Variants in IQCH observed in about 807,000 individuals in gnomAD.
The protein encoded by IQCH is IQ domain-containing protein H.
Under a neutral mutation model 117.0 loss-of-function variants are expected in IQCH, and 98 were observed. The ratio of observed to expected loss-of-function variants is 0.84; its 90% CI spans 0.71 to 0.99. The LOEUF is 0.99. IQCH is among the 50% of genes least tolerant of loss of function. The pLI is 0.00. For missense variants in IQCH, 1,102 were observed against 1,243.8 expected (o/e 0.89, Z 1.72); for synonymous variants, 412 against 448.2 (o/e 0.92, Z 1.02).
At chr15:67,371,409 C>T in intron 8 of IQCH, 14 of 1,215,548 alleles carry the variant, frequency 1.2e-5, no homozygotes, top group Non-Finnish European at 1.6e-5. Context: ...AGCAAATGCT[C>T]CCTTGGTTTT....
At position 67,395,381 on chromosome 15, in the gene IQCH, A is replaced by G. The variant is rs199753231; in HGVS notation, c.1723A>G (p.Ile575Val). The G allele has an allele frequency of 2.1e-4, 343 of 1,614,086 alleles. 4 individuals are homozygous for G. In the South Asian group the frequency reaches 3.4e-3, roughly 16 times the overall value. Residue 575 changes from isoleucine to valine, a missense_variant, in exon 13 of 21, where the codon ATC (isoleucine) becomes GTC (valine). Coordinates refer to ENST00000335894, the MANE Select transcript of IQCH (RefSeq NM_001031715.3). The surrounding 1 kb of genome is among the most constrained non-coding windows in gnomAD (Gnocchi z 4.0). ...KNLIRGTEAYIVSGLLHRDDL... is the reference protein window; with the variant it reads ...KNLIRGTEAYVVSGLLHRDDL... ...TCTCATCCGAGGAACAGAGGCCTAC[A>G]TCGTCAGCGGGCTCCTCCACAGAGA...
chr15:67,329,246 C>T (rs1449004094), intron 4 of IQCH, among the ~76,000 whole-genome samples: 1 of 150,840 alleles, frequency 6.6e-6, no homozygotes, highest in African/African-American at 2.4e-5. Context: ...CTGTAGTGAG[C>T]TGTGATTACA....
chr15:67,358,140 T>G (rs1969974445), intron 7 of IQCH, among the ~76,000 whole-genome samples: 2 of 140,276 alleles, frequency 1.4e-5, no homozygotes, highest in South Asian at 2.3e-4. Context: ...ATTATAGGCA[T>G]GAGCCACCAC....
intron 5 of IQCH, among the ~76,000 whole-genome samples, chr15:67,337,560 T>C (rs1428086251): frequency 6.6e-6 from 1 of 152,224 alleles, no homozygotes; most frequent in Non-Finnish European, 1.5e-5. Flanking sequence ...CAGTGGATTT[T>C]GTTTTTAAGC....
intron 10 of IQCH, among the ~76,000 whole-genome samples, chr15:67,377,115 C>CAAAAAAAAAAAAAAAA (rs5813442): frequency 4.9e-5 from 4 of 82,024 alleles, no homozygotes; most frequent in African/African-American, 1.2e-4. Context: ...GACTCCATCT[C>CAAAAAAAAAAAAAAAA]AAAAAAAAAA....
Position 67,496,980 on chromosome 15 carries a change from T to G in IQCH, c.2970+2614T>G, listed in dbSNP as rs1336859726. On this transcript the variant is annotated intron_variant, in intron 20 of 20. Transcript: ENST00000335894. This position sits in a 1 kb window ranked among gnomAD's most constrained non-coding sequence, Gnocchi z 4.4. ...TTGCAGTGAGCCGAGATTGCGCCAC[T>G]GCAGTCCGCAGTCCGGCCTGGGCGA... 7.7e-6 allele frequency among the ~76,000 whole-genome samples: 1 copy of G among 130,300 alleles called. No homozygotes were observed. The highest frequency in any genetic ancestry group is 1.5e-5 in the Non-Finnish European group (1 of 65,060). 85.5% of individuals were successfully genotyped at this position (130,300 alleles called of 152,430 possible).
In IQCH at chr15:67,501,602, G is replaced by A. The variant is rs1172410388; in HGVS notation, c.*856G>A. On this transcript the variant is annotated 3_prime_UTR_variant, in exon 21 of 21. Transcript: ENST00000335894. This position sits in a 1 kb window ranked among gnomAD's most constrained non-coding sequence, Gnocchi z 5.2. Reference sequence around the variant, plus strand: ...TCCAAAAATATTTCCACATCAGTGAGCTTTACTGAAGGGTGAAATAAAAGC... The same window carrying A: ...TCCAAAAATATTTCCACATCAGTGAACTTTACTGAAGGGTGAAATAAAAGC... The A allele has an allele frequency of 6.6e-6, 1 of 152,120 alleles. No individual in the cohort carries two copies. The highest frequency in any genetic ancestry group is 1.5e-5 in the Non-Finnish European group (1 of 68,028). 9.4% of individuals were successfully genotyped at this position (152,120 alleles called of 1,614,324 possible). A position where few individuals can be genotyped will look rare whatever the true frequency, so the allele number is the denominator to read the frequency against.
chr15:67,329,856 A>T (rs576321393), intron 4 of IQCH, among the ~76,000 whole-genome samples: 3 of 152,136 alleles, frequency 2.0e-5, no homozygotes, highest in Non-Finnish European at 4.4e-5. Context: ...ATATACACAT[A>T]TATAGTGAAT....
chr15:67,346,298 A>G (rs1969385243), intron 6 of IQCH, among the ~76,000 whole-genome samples: 2 of 152,104 alleles, frequency 1.3e-5, no homozygotes, highest in South Asian at 4.1e-4. Context: ...CACAATAATC[A>G]ATAGAACTAG....
intron 4 of IQCH, among the ~76,000 whole-genome samples, chr15:67,322,773 G>C (rs956968166): frequency 8.2e-6 from 1 of 121,372 alleles, no homozygotes; most frequent in Admixed American, 9.0e-5. Flanking sequence ...GCTCTCAGTG[G>C]ACAGGGGATG....
At chr15:67,468,549 C>T (rs2082989746) in intron 17 of IQCH, among the ~76,000 whole-genome samples, 1 of 152,192 alleles carries the variant, frequency 6.6e-6, no homozygotes, top group Non-Finnish European at 1.5e-5. Context: ...ATCTTCTAGA[C>T]AGATGAGGCT....
At position 67,454,248 on chromosome 15, in the gene IQCH, G is replaced by T. The variant is rs1305906249; in HGVS notation, c.2506-10879G>T. On this transcript the variant is annotated intron_variant, in intron 16 of 20. Coordinates refer to ENST00000335894, the MANE Select transcript of IQCH (RefSeq NM_001031715.3). This position sits in a 1 kb window ranked among gnomAD's most constrained non-coding sequence, Gnocchi z 5.2. Reference sequence around the variant, plus strand: ...CTGCACCCACCATCCTGCGCCTACTGTCTGGCACTCCCCAGTGAGATGAAC... The same window carrying T: ...CTGCACCCACCATCCTGCGCCTACTTTCTGGCACTCCCCAGTGAGATGAAC... Among the ~76,000 whole-genome samples the T allele has an allele frequency of 6.6e-6, 1 of 152,146 alleles. No homozygotes were observed. Among genetic ancestry groups the T allele is most frequent in the South Asian group, 2.1e-4 (1 of 4,832 alleles).
intron 14 of IQCH, among the ~76,000 whole-genome samples, chr15:67,415,605 G>T (rs557232518): frequency 6.6e-6 from 1 of 152,334 alleles, no homozygotes; most frequent in South Asian, 2.1e-4. Flanking sequence ...GTTCCAAGGA[G>T]TTGGGGTGAG....
chr15:67,329,074 G>A (rs1269935419), intron 4 of IQCH, among the ~76,000 whole-genome samples: 2 of 152,134 alleles, frequency 1.3e-5, no homozygotes, highest in African/African-American at 4.8e-5. Flanking sequence ...TGAGATGGGA[G>A]GATCACTTGA....
intron 18 of IQCH, among the ~76,000 whole-genome samples, chr15:67,487,423 AAGG>A (rs1369517794): frequency 1.0e-5 from 1 of 99,710 alleles, no homozygotes; most frequent in Non-Finnish European, 2.0e-5. Flanking sequence ...CACAAAACTT[AAGG>A]AAAACACACA....
chr15:67,280,975 A>C, intron 4 of IQCH, among the ~76,000 whole-genome samples: 1 of 151,878 alleles, frequency 6.6e-6, no homozygotes, highest in South Asian at 2.1e-4. Flanking sequence ...CCTCCCAAGT[A>C]GTTGGGATTA....
chr15:67,388,806 T>C lies in IQCH; in HGVS notation c.1457-25T>C. ...ATGTCATTTACCTTCACACCAGTAA[T>C]TAACATTGTGCCTGTTGTTTTTAGA... On this transcript the variant is annotated intron_variant, in intron 11 of 20. Transcript: ENST00000335894. The surrounding 1 kb of genome is among the most constrained non-coding windows in gnomAD (Gnocchi z 5.5). The C allele has an allele frequency of 6.3e-7, 1 of 1,593,800 alleles. No homozygotes were observed. The highest frequency in any genetic ancestry group is 8.6e-7 in the Non-Finnish European group (1 of 1,162,198).
Position 67,421,385 on chromosome 15 carries a change from G to A in IQCH, c.2313G>A (p.Ser771=), listed in dbSNP as rs766691799. 9.9e-6 allele frequency: 16 copies of A among 1,614,060 alleles called. No individual in the cohort carries two copies. Among genetic ancestry groups the A allele is most frequent in the South Asian group, 3.3e-5 (3 of 91,090 alleles). Reference sequence around the variant, plus strand: ...CCAACGGGAAAATCAGCGTGCTGTCGACAGGGGACCAGCTTCATGCTGAAA... The same window carrying A: ...CCAACGGGAAAATCAGCGTGCTGTCAACAGGGGACCAGCTTCATGCTGAAA... ...IEPNGKISVL[S]TGDQLHAESP... The change falls in exon 16 of 21, where the codon TCG becomes TCA. Residue 771 remains serine, a synonymous_variant. Coordinates refer to ENST00000335894, the MANE Select transcript of IQCH (RefSeq NM_001031715.3).
At position 67,317,321 on chromosome 15, in the gene IQCH, G is replaced by C. The variant is rs183065546; in HGVS notation, c.388-19654G>C. Among the ~76,000 whole-genome samples the C allele has an allele frequency of 2.2e-3, 337 of 152,258 alleles. 1 individual carries two copies. Among genetic ancestry groups the C allele is most frequent in the African/African-American group, 7.8e-3 (323 of 41,550 alleles). On this transcript the variant is annotated intron_variant, in intron 4 of 20. Coordinates refer to ENST00000335894, the MANE Select transcript of IQCH (RefSeq NM_001031715.3). ...AGGTTCAAGTGATTCTCCTGCCTCA[G>C]CCTCCCGGGTAGCTGGGATTACAGG...
Sources: gnomAD v4.1 joint callset for allele counts (sites outside exome capture counted in the v4.1 genomes callset) on GRCh38, gnomAD v4.1.1 for gene constraint, Gnocchi (gnomAD v3.1) non-coding constraint, MANE v1.5 for transcripts, NCBI Gene and HGNC (gene_info 2026-07-23, HGNC 2026-07-21) for gene names.